Variants in PDGFRL observed in about 807,000 individuals in gnomAD.
PDGFRL encodes platelet derived growth factor receptor like.
In PDGFRL, 46 loss-of-function variants were observed where a neutral mutation model predicts 37.2. That is an observed-to-expected ratio of 1.24 (90% CI 0.98 to 1.58). The LOEUF is 1.58. PDGFRL is among the 40% of genes most tolerant of loss of function. The pLI is 0.00. For synonymous variants in PDGFRL, 251 were observed against 184.3 expected, an observed-to-expected ratio of 1.36 and a Z score of -2.93; for missense variants, 692 against 467.6, an observed-to-expected ratio of 1.48 and a Z score of -4.43.
At chr8:17,630,703 T>A (rs1208524131) in intron 4 of PDGFRL, among the ~76,000 whole-genome samples, 4 of 152,122 alleles carry the variant, frequency 2.6e-5, no homozygotes, top group Non-Finnish European at 2.9e-5. Context: ...TCAGAGGAAG[T>A]AAGTGAGAGC....
At chr8:17,629,212 G>A (rs1804809842) in intron 4 of PDGFRL, among the ~76,000 whole-genome samples, 2 of 151,384 alleles carry the variant, frequency 1.3e-5, no homozygotes, top group African/African-American at 4.8e-5. Context: ...TTACAAGTGT[G>A]AGCCACCATG....
chr8:17,618,794 A>T (rs1804577718), intron 2 of PDGFRL, among the ~76,000 whole-genome samples: 1 of 152,192 alleles, frequency 6.6e-6, no homozygotes, highest in Non-Finnish European at 1.5e-5. Context: ...AATACAGTTC[A>T]GTTCCTGCCT....
chr8:17,586,664 A>AGCT (rs3837210), intron 1 of PDGFRL, among the ~76,000 whole-genome samples: 18,287 of 152,224 alleles, frequency 0.12, 1,121 homozygotes, highest in Middle Eastern at 0.14. Context: ...AATAGCACTT[A>AGCT]GCTAGCAATC....
At chr8:17,592,238 G>A (rs183284120) in intron 2 of PDGFRL, among the ~76,000 whole-genome samples, 30 of 152,262 alleles carry the variant, frequency 2.0e-4, no homozygotes, top group Admixed American at 6.5e-4. Flanking sequence ...TTGCTTTTGC[G>A]CCAACCTAAT....
intron 3 of PDGFRL, among the ~76,000 whole-genome samples, chr8:17,627,996 T>C (rs1414500408): frequency 6.8e-5 from 9 of 132,138 alleles, no homozygotes; most frequent in South Asian, 5.3e-4. Flanking sequence ...TTTCTTTTTT[T>C]TTTTTTTTTT....
intron 5 of PDGFRL, among the ~76,000 whole-genome samples, chr8:17,636,512 G>T (rs1298544052): frequency 6.6e-6 from 1 of 151,432 alleles, no homozygotes; most frequent in African/African-American, 2.4e-5. Flanking sequence ...TGGTGACTAT[G>T]GCCTTATAGT....
At chr8:17,595,454 C>A (rs978051805) in intron 2 of PDGFRL, among the ~76,000 whole-genome samples, 1 of 152,194 alleles carries the variant, frequency 6.6e-6, no homozygotes, top group African/African-American at 2.4e-5. Context: ...ATTTTGGATC[C>A]CGTAGGATCT....
At chr8:17,623,690 C>A (rs1415744202) in intron 3 of PDGFRL, among the ~76,000 whole-genome samples, 3 of 152,072 alleles carry the variant, frequency 2.0e-5, no homozygotes, top group Admixed American at 2.0e-4. Flanking sequence ...GCCTGGCCAA[C>A]ATGGAGAAAT....
At chr8:17,631,463 T>G (rs945440327) in intron 4 of PDGFRL, among the ~76,000 whole-genome samples, 5 of 152,100 alleles carry the variant, frequency 3.3e-5, no homozygotes, top group South Asian at 2.1e-4. Flanking sequence ...TGGTGCTTAT[T>G]CAGCAGGCCA....
Position 17,621,087 on chromosome 8 carries a change from G to C in PDGFRL, c.390G>C (p.Leu130=), listed in dbSNP as rs1328882103. The change falls in exon 3 of 6, where the codon CTG becomes CTC. Residue 130 remains leucine (L), a synonymous_variant. Coordinates refer to ENST00000251630, the MANE Select transcript of PDGFRL (RefSeq NM_001372073.1). The part of the protein sequence containing the change: ...KQNERYGQLT[L]VNSTSADTGE... ...ATGAGCGCTACGGCCAGTTGACTCT[G>C]GTCAACTCCACCTCGGCAGACACAG... is the stretch of plus-strand genomic sequence containing the variant. 9.3e-6 allele frequency: 15 copies of C among 1,610,534 alleles called. No individual in the cohort carries two copies. The highest frequency in any genetic ancestry group is 1.3e-5 in the Non-Finnish European group (15 of 1,177,572).
At chr8:17,581,535 G>A (rs995661721) in intron 1 of PDGFRL, among the ~76,000 whole-genome samples, 5 of 152,168 alleles carry the variant, frequency 3.3e-5, no homozygotes, top group Non-Finnish European at 7.3e-5. Context: ...GGTGGTGGGA[G>A]GTAGGGCCTC....
At chr8:17,627,470 AT>A (rs11367536) in intron 3 of PDGFRL, among the ~76,000 whole-genome samples, 26,648 of 147,272 alleles carry the variant, frequency 0.18, 2,800 homozygotes, top group African/African-American at 0.28. Flanking sequence ...ACCGATTGCA[AT>A]TTTTTTTTTT....
intron 2 of PDGFRL, among the ~76,000 whole-genome samples, chr8:17,615,217 T>A (rs898925625): frequency 1.3e-5 from 2 of 152,150 alleles, no homozygotes; most frequent in African/African-American, 4.8e-5. Flanking sequence ...GATGGTTTAG[T>A]GTTGACTTAA....
intron 4 of PDGFRL, 139 bp from the exon 5 acceptor site, chr8:17,633,935 A>T (rs1322402363): frequency 1.2e-6 from 1 of 866,164 alleles, no homozygotes; most frequent in Non-Finnish European, 1.9e-6. Flanking sequence ...TTGTGGGCTC[A>T]CACTGTCCTC....
At chr8:17,599,329 T>C (rs1160403112) in intron 2 of PDGFRL, among the ~76,000 whole-genome samples, 2 of 152,192 alleles carry the variant, frequency 1.3e-5, no homozygotes, top group Non-Finnish European at 2.9e-5. Flanking sequence ...CTAAAGTCCA[T>C]TGTATCATTC....
intron 1 of PDGFRL, among the ~76,000 whole-genome samples, chr8:17,580,759 G>A (rs774506742): frequency 2.0e-5 from 3 of 152,146 alleles, no homozygotes; most frequent in Non-Finnish European, 4.4e-5. Context: ...CCAGAGGCTT[G>A]TAGTCCAAAG....
At chr8:17,581,571 T>A (rs1339215119) in intron 1 of PDGFRL, among the ~76,000 whole-genome samples, 1 of 151,966 alleles carries the variant, frequency 6.6e-6, no homozygotes, top group African/African-American at 2.4e-5. Context: ...GCCTTGGGGG[T>A]AGATCCTTCA....
At chr8:17,627,450 G>C (rs1804755406) in intron 3 of PDGFRL, among the ~76,000 whole-genome samples, 1 of 148,380 alleles carries the variant, frequency 6.7e-6, no homozygotes, top group Non-Finnish European at 1.5e-5. Context: ...TTTTTTTGTT[G>C]ATGGAAGCTA....
At chr8:17,634,259 A>G (rs372977127) in intron 5 of PDGFRL, 46 bp downstream of exon 5, 28 of 1,499,226 alleles carry the variant, frequency 1.9e-5, no homozygotes, top group Non-Finnish European at 2.5e-5. Context: ...CAGCCTCTGC[A>G]TCTCAGCCAG....
Sources: allele counts gnomAD v4.1 joint callset (sites outside exome capture counted in the v4.1 genomes callset), GRCh38; gene constraint gnomAD v4.1.1; transcripts MANE v1.5; gene names NCBI Gene and HGNC (gene_info 2026-07-23, HGNC 2026-07-21).